The following ELP4 variants were observed in gnomAD, a reference collection of about 807,000 sequenced individuals.
The protein encoded by ELP4 is elongator acetyltransferase complex subunit 4.
In ELP4, 51 loss-of-function variants were observed where a neutral mutation model predicts 48.9. The observed-to-expected ratio is 1.04, with a 90% CI of 0.83 to 1.32. ELP4 has a LOEUF of 1.32. Ranked by LOEUF, ELP4 falls within the 40% of genes most tolerant of loss-of-function variation. The pLI, the probability that ELP4 is intolerant of heterozygous loss-of-function variation, is 0.00. For synonymous variants in ELP4, 210 were observed against 189.2 expected, an observed-to-expected ratio of 1.11 and a Z score of -0.90; for missense variants, 519 against 514.6, an observed-to-expected ratio of 1.01 and a Z score of -0.08.
At chr11:31,570,041 C>T (rs1957169397) in intron 3 of ELP4, among the ~76,000 whole-genome samples, 1 of 152,202 alleles carries the variant, frequency 6.6e-6, no homozygotes, top group South Asian at 2.1e-4. Flanking sequence ...AATCATTCTG[C>T]CAAAAAGGCA....
intron 9 of ELP4, among the ~76,000 whole-genome samples, chr11:31,783,011 TAAAAC>T (rs779202510): frequency 4.6e-5 from 7 of 152,128 alleles, no homozygotes; most frequent in Non-Finnish European, 7.4e-5. Flanking sequence ...TCTGGCAAAA[TAAAAC>T]AAAGCCAAAA....
intron 2 of ELP4, among the ~76,000 whole-genome samples, chr11:31,539,101 G>C (rs1044004786): frequency 3.9e-5 from 6 of 152,168 alleles, no homozygotes; most frequent in East Asian, 1.9e-4. Flanking sequence ...TGTGCAGGGG[G>C]TAATTTTGTG....
chr11:31,566,491 G>A (rs1957113931), intron 3 of ELP4, among the ~76,000 whole-genome samples: 1 of 151,968 alleles, frequency 6.6e-6, no homozygotes, highest in Admixed American at 6.6e-5. Flanking sequence ...CAAATTTTTG[G>A]CTAAAAGAAT....
At chr11:31,559,947 C>T (rs1592116622) in intron 3 of ELP4, among the ~76,000 whole-genome samples, 1 of 146,720 alleles carries the variant, frequency 6.8e-6, no homozygotes, top group African/African-American at 2.5e-5. Flanking sequence ...TTGTTTTGTT[C>T]TATAATTCTA....
Position 31,738,232 on chromosome 11 carries a change from C to CAAA in ELP4, c.1144-45138_1144-45136dup, listed in dbSNP as rs57817538. On this transcript the variant is annotated intron_variant, in intron 9 of 9. Transcript: ENST00000640961. ...CAACATGGCAAAACCCCATCTCTAC[C>CAAA]AAAAAAAAAAAAAAAAAAAAAAAAA... 1.4e-3 allele frequency among the ~76,000 whole-genome samples: 77 copies of CAAA among 53,706 alleles called. 1 individual carries two copies. Among genetic ancestry groups the CAAA allele is most frequent in the African/African-American group, 5.1e-3 (69 of 13,620 alleles). 35.2% of individuals were successfully genotyped at this position (53,706 alleles called of 152,430 possible). A position where few individuals can be genotyped will look rare whatever the true frequency, so the allele number is the denominator to read the frequency against.
intron 3 of ELP4, among the ~76,000 whole-genome samples, chr11:31,558,770 A>G (rs948829649): frequency 6.6e-6 from 1 of 152,186 alleles, no homozygotes; most frequent in Non-Finnish European, 1.5e-5. Flanking sequence ...AATTTAATTT[A>G]AGAAATTTTG....
Position 31,597,578 on chromosome 11 carries a change from T to C in ELP4, c.513+2677T>C, listed in dbSNP as rs1410006898. Among the ~76,000 whole-genome samples, 14 of 142,992 alleles carry C rather than the reference T, an allele frequency of 9.8e-5. No individual in the cohort carries two copies. In the East Asian group the frequency reaches 3.3e-3, roughly 33 times the overall value. The allele number at this position is 142,992 out of a possible 152,430, so 93.8% of individuals were successfully genotyped here. A position where few individuals can be genotyped will look rare whatever the true frequency, so the allele number is the denominator to read the frequency against. ...TTCTAATTTTTCTATTGCTGTGTCCTGAAAGAGTCAGTAATGAACCTAAAC... is the reference window on the plus strand; with the variant it reads ...TTCTAATTTTTCTATTGCTGTGTCCCGAAAGAGTCAGTAATGAACCTAAAC... On this transcript the variant is annotated intron_variant, in intron 4 of 9. Transcript: ENST00000640961.
At chr11:31,780,265 A>G (rs1477489364) in intron 9 of ELP4, among the ~76,000 whole-genome samples, 3 of 152,178 alleles carry the variant, frequency 2.0e-5, no homozygotes, top group Non-Finnish European at 4.4e-5. Context: ...CCTCAAAGGA[A>G]AAATCCCTGA....
chr11:31,702,018 A>G (rs973808578), intron 9 of ELP4, among the ~76,000 whole-genome samples: 1 of 152,142 alleles, frequency 6.6e-6, no homozygotes, highest in South Asian at 2.1e-4. Flanking sequence ...TTTTAAATCT[A>G]CTTAGTAAAT....
At chr11:31,593,012 C>G (rs1233535654) in intron 3 of ELP4, among the ~76,000 whole-genome samples, 1 of 152,028 alleles carries the variant, frequency 6.6e-6, no homozygotes, top group South Asian at 2.1e-4. Flanking sequence ...TGCCAGGTGT[C>G]CCTGGGGTTG....
intron 9 of ELP4, among the ~76,000 whole-genome samples, chr11:31,660,096 A>G (rs962089903): frequency 6.6e-6 from 1 of 152,198 alleles, no homozygotes; most frequent in Admixed American, 6.6e-5. Flanking sequence ...TGAAATGTTT[A>G]TTAATTTTCT....
chr11:31,551,970 C>G (rs1472012759), intron 3 of ELP4, among the ~76,000 whole-genome samples: 1 of 152,016 alleles, frequency 6.6e-6, no homozygotes, highest in Non-Finnish European at 1.5e-5. Flanking sequence ...AACTTCCTTC[C>G]TTTTACTTTG....
At chr11:31,737,279 G>A (rs763555474) in intron 9 of ELP4, among the ~76,000 whole-genome samples, 225 of 152,174 alleles carry the variant, frequency 1.5e-3, no homozygotes, top group Non-Finnish European at 2.6e-3. Context: ...GAGAACACAT[G>A]GACACAGGAA....
chr11:31,735,948 C>T (rs1468686496), intron 9 of ELP4, among the ~76,000 whole-genome samples: 1 of 152,130 alleles, frequency 6.6e-6, no homozygotes, highest in East Asian at 1.9e-4. Context: ...CTACCAATGA[C>T]TTTCTTCACA....
At chr11:31,686,156 T>C (rs1024045126) in intron 9 of ELP4, among the ~76,000 whole-genome samples, 2 of 151,972 alleles carry the variant, frequency 1.3e-5, no homozygotes, top group Admixed American at 1.3e-4. Context: ...TTTTATATAT[T>C]AGTAATCTAT....
intron 7 of ELP4, among the ~76,000 whole-genome samples, chr11:31,642,534 A>G (rs528525632): frequency 2.6e-5 from 4 of 151,838 alleles, no homozygotes; most frequent in Non-Finnish European, 5.9e-5. Context: ...GAGCTTTAGG[A>G]TAAAGAACCA....
At chr11:31,769,405 G>A (rs922594227) in intron 9 of ELP4, among the ~76,000 whole-genome samples, 2 of 152,144 alleles carry the variant, frequency 1.3e-5, no homozygotes, top group African/African-American at 4.8e-5. Flanking sequence ...ATTTCCAAGA[G>A]GAGTGTTCAT....
chr11:31,642,523 T>G (rs1162314856), intron 7 of ELP4, among the ~76,000 whole-genome samples: 1 of 151,886 alleles, frequency 6.6e-6, no homozygotes, highest in African/African-American at 2.4e-5. Context: ...GGATACGTTT[T>G]GAGCTTTAGG....
intron 9 of ELP4, among the ~76,000 whole-genome samples, chr11:31,669,076 A>ATTTATTTTTATTTTATTTTATT (rs551854212): frequency 6.8e-6 from 1 of 146,440 alleles, no homozygotes; most frequent in African/African-American, 2.5e-5. Flanking sequence ...CATGTCTTTT[A>ATTTATTTTTATTTTATTTTATT]TTTATTTTTA....
Sources: allele counts gnomAD v4.1 joint callset (sites outside exome capture counted in the v4.1 genomes callset), GRCh38; gene constraint gnomAD v4.1.1; transcripts MANE v1.5; gene names NCBI Gene and HGNC (gene_info 2026-07-23, HGNC 2026-07-21).